SFSWAP: variants seen among roughly 807,000 people sequenced by gnomAD.
The protein encoded by SFSWAP is splicing factor SWAP, also known as splicing factor, suppressor of white-apricot homolog.
A neutral mutation model predicts 100.7 loss-of-function variants in SFSWAP; 17 were observed. That is an observed-to-expected ratio of 0.17 (90% CI 0.12 to 0.25). The LOEUF is 0.25. SFSWAP is among the 10% of genes least tolerant of loss of function. The pLI is 1.00. For missense variants in SFSWAP, 1,005 were observed against 1,262.6 expected (o/e 0.80, Z 3.09); for synonymous variants, 504 against 510.1 (o/e 0.99, Z 0.16).
At chr12:131,766,026 AT>A (rs1883089517) in intron 12 of SFSWAP, 91 bp from the exon 13 acceptor site, 1 of 1,277,304 alleles carries the variant, frequency 7.8e-7, no homozygotes, top group African/African-American at 1.5e-5. Context: ...AACTAACTGC[AT>A]TGTATGACAC....
rs957937631 is a variant in SFSWAP at position 131,734,523 on chromosome 12, G to A, written c.1081+6095G>A. 6.6e-5 allele frequency among the ~76,000 whole-genome samples: 10 copies of A among 152,122 alleles called. No homozygotes were observed. The highest frequency in any genetic ancestry group is 7.3e-5 in the Non-Finnish European group (5 of 68,034). ...ACACTTCTGTTTTAGAGCCTGTTAC[G>A]GTTTTGAGTTACACAGACATGTGTG... On this transcript the variant is annotated intron_variant, in intron 7 of 17. Coordinates refer to ENST00000261674, the MANE Select transcript of SFSWAP (RefSeq NM_004592.4). This position sits in a 1 kb window ranked among gnomAD's most constrained non-coding sequence, Gnocchi z 4.9.
intron 6 of SFSWAP, among the ~76,000 whole-genome samples, 192 bp downstream of exon 6, chr12:131,727,244 A>G (rs960694667): frequency 6.6e-6 from 1 of 152,232 alleles, no homozygotes; most frequent in Non-Finnish European, 1.5e-5. Context: ...TTACCTGTCT[A>G]GCTTATAAAA....
chr12:131,743,300 T>C (rs1358453429), intron 7 of SFSWAP, among the ~76,000 whole-genome samples: 2 of 152,254 alleles, frequency 1.3e-5, no homozygotes, highest in African/African-American at 4.8e-5. Context: ...ACAAGGCAAG[T>C]TCCTTCTGCC....
intron 13 of SFSWAP, among the ~76,000 whole-genome samples, chr12:131,766,687 C>T (rs1057277011): frequency 6.6e-6 from 1 of 152,140 alleles, no homozygotes; most frequent in Non-Finnish European, 1.5e-5. Flanking sequence ...TGCGCTCACA[C>T]GTGGGGCAGA....
At chr12:131,747,420 T>C (rs1278098997) in intron 7 of SFSWAP, among the ~76,000 whole-genome samples, 2 of 152,168 alleles carry the variant, frequency 1.3e-5, no homozygotes, top group African/African-American at 4.8e-5. Flanking sequence ...AATTACCATG[T>C]GCAGGATGGG....
intron 7 of SFSWAP, among the ~76,000 whole-genome samples, chr12:131,739,260 A>C (rs947969515): frequency 1.3e-5 from 2 of 152,164 alleles, no homozygotes; most frequent in African/African-American, 4.8e-5. Context: ...GCTAGGTCAA[A>C]GAGTATGTGC....
intron 11 of SFSWAP, among the ~76,000 whole-genome samples, chr12:131,761,271 A>T (rs1312708470): frequency 6.6e-6 from 1 of 152,232 alleles, no homozygotes; most frequent in African/African-American, 2.4e-5. Flanking sequence ...AGAAGTTAGC[A>T]ATAAGAGTTG....
In SFSWAP at chr12:131,728,363, C is replaced by T; in HGVS notation, c.1016C>T (p.Thr339Ile). Residue 339 changes from threonine to isoleucine, a missense_variant, in exon 7 of 18, where the codon ACT becomes ATT. Thr to Ile is a moderately conservative substitution (Grantham distance 89). Transcript: ENST00000261674. ...LVRKAQADSS[T>I]PTPHNADGAP... ...CGTAAGGCACAGGCTGACAGTTCCA[C>T]TCCCACCCCACACAACGCAGACGGT... 1.2e-6 allele frequency: 2 copies of T among 1,614,248 alleles called. No individual in the cohort carries two copies. The highest frequency in any genetic ancestry group is 1.7e-6 in the Non-Finnish European group (2 of 1,180,042).
Position 131,734,542 on chromosome 12 carries a change from A to C in SFSWAP, c.1081+6114A>C, listed in dbSNP as rs1879815862. Among the ~76,000 whole-genome samples the C allele has an allele frequency of 6.7e-6, 1 of 148,708 alleles. No homozygotes were observed. Among genetic ancestry groups the C allele is most frequent in the Non-Finnish European group, 1.5e-5 (1 of 68,008 alleles). Reference sequence around the variant, plus strand: ...TGTTACGGTTTTGAGTTACACAGACATGTGTGGGCTTGTGCATGTTTGAAT... The same window carrying C: ...TGTTACGGTTTTGAGTTACACAGACCTGTGTGGGCTTGTGCATGTTTGAAT... On this transcript the variant is annotated intron_variant, in intron 7 of 17. Coordinates refer to ENST00000261674, the MANE Select transcript of SFSWAP (RefSeq NM_004592.4). This position sits in a 1 kb window ranked among gnomAD's most constrained non-coding sequence, Gnocchi z 4.9.
rs1418353392 is a variant in SFSWAP, at chr12:131,734,420, T to TG, written c.1081+5993dup. On this transcript the variant is annotated intron_variant, in intron 7 of 17. Transcript: ENST00000261674. This position sits in a 1 kb window ranked among gnomAD's most constrained non-coding sequence, Gnocchi z 4.9. ...AGAGGACTTAAGATCAAAAAGAGAG[T>TG]GACTAGGAGGTCAGAGAGGCAGCCG... Among the ~76,000 whole-genome samples, 4 of 151,918 alleles carry TG rather than the reference T, an allele frequency of 2.6e-5. No individual in the cohort carries two copies. Among genetic ancestry groups the TG allele is most frequent in the Non-Finnish European group, 4.4e-5 (3 of 67,948 alleles).
intron 6 of SFSWAP, among the ~76,000 whole-genome samples, chr12:131,727,290 T>TGGTAAA (rs1879072055): frequency 2.0e-5 from 3 of 152,264 alleles, no homozygotes; most frequent in African/African-American, 7.2e-5. Context: ...TTTACCATTT[T>TGGTAAA]ATTACAATTT....
chr12:131,785,312 A>C (rs910562428), intron 14 of SFSWAP: 1 of 1,334,724 alleles, frequency 7.5e-7, no homozygotes, highest in African/African-American at 1.4e-5. Context: ...TCTGTCCGTT[A>C]AAGGGCAGCC....
intron 6 of SFSWAP, among the ~76,000 whole-genome samples, 183 bp from the exon 7 acceptor site, chr12:131,728,110 G>C (rs147050344): frequency 6.6e-6 from 1 of 152,196 alleles, no homozygotes; most frequent in Admixed American, 6.5e-5. Flanking sequence ...TGTTCACTCA[G>C]TTCCTCTGAG....
At chr12:131,768,118 T>C (rs61942905) in intron 13 of SFSWAP, among the ~76,000 whole-genome samples, 14,162 of 152,324 alleles carry the variant, frequency 0.093, 752 homozygotes, top group Middle Eastern at 0.17. Flanking sequence ...ATGTGGTGAC[T>C]GCTCTGCCCT....
intron 14 of SFSWAP, among the ~76,000 whole-genome samples, chr12:131,780,889 C>T (rs933823246): frequency 3.9e-5 from 6 of 152,068 alleles, no homozygotes; most frequent in South Asian, 2.1e-4. Flanking sequence ...GTTTCTTTAG[C>T]GTAAGAAATT....
At chr12:131,753,044 G>A in intron 7 of SFSWAP, 79 bp from the exon 8 acceptor site, 1 of 1,573,288 alleles carries the variant, frequency 6.4e-7, no homozygotes, top group Non-Finnish European at 8.7e-7. Flanking sequence ...CCGGGGGAAG[G>A]GCTCTTGTGG....
chr12:131,752,005 T>C (rs1163423030), intron 7 of SFSWAP, among the ~76,000 whole-genome samples: 9 of 152,234 alleles, frequency 5.9e-5, no homozygotes, highest in African/African-American at 1.9e-4. Context: ...GAGTTCATCA[T>C]GTATAATTAA....
At chr12:131,772,204 CT>C (rs1350650768) in intron 13 of SFSWAP, among the ~76,000 whole-genome samples, 2 of 152,226 alleles carry the variant, frequency 1.3e-5, no homozygotes, top group African/African-American at 2.4e-5. Flanking sequence ...AGTCATACAT[CT>C]TTTCCCCAGT....
intron 4 of SFSWAP, among the ~76,000 whole-genome samples, chr12:131,720,210 C>A (rs1878340125): frequency 6.6e-6 from 1 of 152,180 alleles, no homozygotes; most frequent in Admixed American, 6.5e-5. Flanking sequence ...TGAGGGATTT[C>A]CCCATTCCAG....
Sources: gnomAD v4.1 joint callset for allele counts (sites outside exome capture counted in the v4.1 genomes callset) on GRCh38, gnomAD v4.1.1 for gene constraint, Gnocchi (gnomAD v3.1) non-coding constraint, MANE v1.5 for transcripts, NCBI Gene and HGNC (gene_info 2026-07-23, HGNC 2026-07-21) for gene names.